Variants in EP300 observed in about 807,000 individuals in gnomAD.
EP300 encodes histone acetyltransferase p300.
Under a neutral mutation model 264.0 loss-of-function variants are expected in EP300, and 31 were observed. The observed-to-expected ratio is 0.12, with a 90% CI of 0.09 to 0.16. The LOEUF (loss-of-function observed/expected upper bound fraction) is 0.16. Among genes scored for constraint, EP300 ranks in the 10% least tolerant of loss-of-function variants. The pLI is 1.00. For synonymous variants in EP300, 1,340 were observed against 1,045.4 expected (o/e 1.28, Z -5.44); for missense variants, 2,766 against 3,052.9 (o/e 0.91, Z 2.21).
At chr22:41,152,861 G>A (rs1217883336) in intron 16 of EP300, among the ~76,000 whole-genome samples, 1 of 152,030 alleles carries the variant, frequency 6.6e-6, no homozygotes, top group Non-Finnish European at 1.5e-5. Flanking sequence ...AGGTTCAAGC[G>A]ATTCTCCTGC....
chr22:41,171,818 G>GGTC (rs938397470), intron 27 of EP300, among the ~76,000 whole-genome samples: 14 of 151,734 alleles, frequency 9.2e-5, no homozygotes, highest in African/African-American at 3.4e-4. Flanking sequence ...TCTCCACATT[G>GGTC]GTCAGGCTGG....
At chr22:41,098,339 A>G (rs1390453857) in intron 1 of EP300, among the ~76,000 whole-genome samples, 2 of 152,208 alleles carry the variant, frequency 1.3e-5, no homozygotes, top group African/African-American at 2.4e-5. Context: ...TTTTAGATCT[A>G]GATTCTTTTT....
intron 2 of EP300, among the ~76,000 whole-genome samples, chr22:41,119,784 T>C (rs2058842310): frequency 6.6e-6 from 1 of 152,134 alleles, no homozygotes; most frequent in Non-Finnish European, 1.5e-5. Context: ...GGAATTCAAA[T>C]TTTAAACTTC....
intron 1 of EP300, among the ~76,000 whole-genome samples, chr22:41,102,766 G>A (rs969690022): frequency 1.3e-5 from 2 of 152,328 alleles, no homozygotes; most frequent in South Asian, 2.1e-4. Context: ...AGAACTTGGT[G>A]ACTGATTAGA....
chr22:41,133,739 C>G (rs749287403), intron 6 of EP300, among the ~76,000 whole-genome samples: 1 of 152,132 alleles, frequency 6.6e-6, no homozygotes, highest in Non-Finnish European at 1.5e-5. Context: ...TTGAATTAAT[C>G]TTCAGGACAT....
At chr22:41,156,479 T>C (rs1302385485) in intron 17 of EP300, among the ~76,000 whole-genome samples, 1 of 152,088 alleles carries the variant, frequency 6.6e-6, no homozygotes, top group Non-Finnish European at 1.5e-5. Context: ...CCAACACTTT[T>C]GGAGGCCAAG....
intron 2 of EP300, among the ~76,000 whole-genome samples, chr22:41,118,821 G>A (rs2058835649): frequency 6.6e-6 from 1 of 151,528 alleles, no homozygotes; most frequent in Admixed American, 6.6e-5. Flanking sequence ...GAACCTTGAT[G>A]GTGACAGAGA....
At chr22:41,097,185 C>G (rs2058707117) in intron 1 of EP300, among the ~76,000 whole-genome samples, 1 of 152,164 alleles carries the variant, frequency 6.6e-6, no homozygotes, top group Admixed American at 6.6e-5. Flanking sequence ...ATTCTCAAGG[C>G]CTTGTAAGTT....
intron 10 of EP300, 48 bp from the exon 11 acceptor site, chr22:41,146,691 G>A: frequency 6.4e-7 from 1 of 1,569,164 alleles, no homozygotes; most frequent in Middle Eastern, 1.7e-4. Flanking sequence ...TTTTTGTTTG[G>A]TTAAGGGAAG....
intron 13 of EP300, 23 bp from the exon 14 acceptor site, chr22:41,149,738 T>C (rs2059032356): frequency 6.2e-7 from 1 of 1,612,422 alleles, no homozygotes; most frequent in East Asian, 2.2e-5. Flanking sequence ...ATTGCTGTCT[T>C]GTTATGTTTT....
At chr22:41,107,483 A>C (rs1472855273) in intron 1 of EP300, among the ~76,000 whole-genome samples, 1 of 152,178 alleles carries the variant, frequency 6.6e-6, no homozygotes, top group Non-Finnish European at 1.5e-5. Context: ...ATTTTGAGCC[A>C]AAATTGTTTT....
At position 41,178,309 on chromosome 22, in the gene EP300, G is replaced by A; in HGVS notation, c.6598G>A (p.Gly2200Arg). The A allele has an allele frequency of 6.2e-7, 1 of 1,614,154 alleles. No individual in the cohort carries two copies. Among genetic ancestry groups the A allele is most frequent in the Non-Finnish European group, 8.5e-7 (1 of 1,180,024 alleles). ...GCAGCAGCAACAGGGAGCAGGGCCA[G>A]GAATAGGCCCTGGAATGGCCAACCA... ...QQQQQQGAGP[G>R]IGPGMANHNQ... is the part of the protein sequence containing the mutation. Residue 2200 changes from glycine to arginine, a missense_variant, in exon 31 of 31, where the codon GGA (glycine) becomes AGA (arginine). Physicochemically the swap from Gly to Arg is moderately radical, Grantham distance 125. Transcript: ENST00000263253.
chr22:41,102,780 T>TA (rs1159679953), intron 1 of EP300, among the ~76,000 whole-genome samples: 1 of 152,094 alleles, frequency 6.6e-6, no homozygotes, highest in African/African-American at 2.4e-5. Context: ...GATTAGAAGT[T>TA]AGGTAGTAAG....
At position 41,177,402 on chromosome 22, in the gene EP300, C is replaced by T. The variant is rs746671562; in HGVS notation, c.5691C>T (p.Ser1897=). ...LPRTQAAGPV[S]QGKAAGQVTP... ...GGACTCAAGCTGCTGGCCCTGTGTC[C>T]CAGGGTAAGGCAGCAGGCCAGGTGA... is the stretch of plus-strand genomic sequence containing the variant. The change falls in exon 31 of 31, where the codon TCC becomes TCT. Residue 1897 remains serine, a synonymous_variant. Transcript: ENST00000263253. The T allele has an allele frequency of 6.2e-7, 1 of 1,614,086 alleles. No individual in the cohort carries two copies.
chr22:41,126,729 CTTTTTTTTTTTTTTTTTT>C (rs71328775), intron 3 of EP300, among the ~76,000 whole-genome samples: 15 of 48,828 alleles, frequency 3.1e-4, no homozygotes, highest in African/African-American at 4.4e-4. Flanking sequence ...GAAATGTTCA[CTTTTTTTTTTTTTTTTTT>C]TTTTTTTTTT....
At chr22:41,112,399 A>G (rs1029300796) in intron 1 of EP300, among the ~76,000 whole-genome samples, 3 of 147,278 alleles carry the variant, frequency 2.0e-5, no homozygotes, top group East Asian at 4.1e-4. Flanking sequence ...TGGTTTCGCT[A>G]TATTGGCCAG....
intron 29 of EP300, among the ~76,000 whole-genome samples, chr22:41,175,392 TTTATAG>T (rs1169300633): frequency 1.3e-5 from 2 of 152,244 alleles, no homozygotes; most frequent in Non-Finnish European, 2.9e-5. Flanking sequence ...TTAATAGGTG[TTTATAG>T]TTATATACTA....
rs2145513916 is a variant in EP300, at chr22:41,176,513, C to T, written c.5046C>T (p.His1682=). 2 of 1,613,930 alleles carry T rather than the reference C, an allele frequency of 1.2e-6. No individual in the cohort carries two copies. The highest frequency in any genetic ancestry group is 1.3e-5 in the African/African-American group (1 of 75,038). The part of the protein sequence containing the change: ...ECKHHVETRW[H]CTVCEDYDLC... The stretch of plus-strand genomic sequence containing the variant: ...AGCACCATGTGGAGACACGCTGGCA[C>T]TGTACTGTCTGTGAGGTAGGCACCG... Residue 1682 remains histidine, a synonymous_variant, in exon 30 of 31, where the codon CAC becomes CAT. Coordinates refer to ENST00000263253, the MANE Select transcript of EP300 (RefSeq NM_001429.4).
rs969234356 is a variant in EP300 at position 41,155,174 on chromosome 22, A to G, written c.3261+61A>G. 1.1e-5 allele frequency: 13 copies of G among 1,204,254 alleles called. No individual in the cohort carries two copies. In the African/African-American group the frequency reaches 1.9e-4, roughly 18 times the overall value. The allele number at this position is 1,204,254 out of a possible 1,614,324, so 74.6% of individuals were successfully genotyped here. A position where few individuals can be genotyped will look rare whatever the true frequency, so the allele number is the denominator to read the frequency against. Reference sequence around the variant, plus strand: ...AATTTGATAACAGCTTTATTGAGAGATAATTCACATTCCAAACAGTATAGC... The same window carrying G: ...AATTTGATAACAGCTTTATTGAGAGGTAATTCACATTCCAAACAGTATAGC... On this transcript the variant is annotated intron_variant, in intron 17 of 30. Coordinates refer to ENST00000263253, the MANE Select transcript of EP300 (RefSeq NM_001429.4).
Sources: allele counts gnomAD v4.1 joint callset (sites outside exome capture counted in the v4.1 genomes callset), GRCh38; gene constraint gnomAD v4.1.1; transcripts MANE v1.5; gene names NCBI Gene and HGNC (gene_info 2026-07-23, HGNC 2026-07-21).